ZNF354A: variants seen among roughly 807,000 people sequenced by gnomAD.
The protein encoded by ZNF354A is zinc finger protein 354A, also known as epididymis luminal protein 104.
Under a neutral mutation model 53.3 loss-of-function variants are expected in ZNF354A, and 25 were observed. The ratio of observed to expected loss-of-function variants is 0.47; its 90% confidence interval spans 0.34 to 0.66. The LOEUF (loss-of-function observed/expected upper bound fraction) is 0.66, where lower values mean the gene tolerates loss of function less well. Ranked by LOEUF, ZNF354A falls within the 30% of genes least tolerant of loss-of-function variation. The pLI is 0.01. For synonymous variants in ZNF354A, 228 were observed against 249.0 expected (o/e 0.92, Z 0.79); for missense variants, 586 against 716.8 (o/e 0.82, Z 2.08).
In ZNF354A at chr5:178,712,771, A is replaced by G. The variant is rs1658581440; in HGVS notation, c.1107T>C (p.Leu369=). The change falls in exon 5 of 5, where the codon CTT becomes CTC. Residue 369 remains leucine (L), a synonymous_variant. Coordinates refer to ENST00000335815, the MANE Select transcript of ZNF354A (RefSeq NM_005649.3). ...CGNTFKSSSS[L]RYHQRIHTGE... is the part of the protein sequence containing the mutation. ...CAGTGTGAATTCTCTGATGATAACG[A>G]AGGGATGAGCTAGACTTAAAGGTGT... is the stretch of plus-strand genomic sequence containing the variant. The G allele has an allele frequency of 6.2e-7, 1 of 1,614,020 alleles. No individual in the cohort carries two copies. Among genetic ancestry groups the G allele is most frequent in the African/African-American group, 1.3e-5 (1 of 74,926 alleles).
intron 3 of ZNF354A, 52 bp from the exon 4 acceptor site, chr5:178,725,523 T>A: frequency 6.4e-7 from 1 of 1,566,464 alleles, no homozygotes; most frequent in Non-Finnish European, 8.8e-7. Flanking sequence ...GGTTTTGTAT[T>A]GATACAGTTA....
Position 178,713,325 on chromosome 5 carries a change from T to G in ZNF354A, c.553A>C (p.Thr185Pro), listed in dbSNP as rs1448981376. The change falls in exon 5 of 5, where the codon ACA becomes CCA. Residue 185 changes from threonine to proline, a missense_variant. Transcript: ENST00000335815. ...CCTTGTATTTCACATTTTGGTGGTG[T>G]TTTTTCTCTGGGAAGTATCTGTTGC... ...IRQQILPREK[T>P]PPKCEIQGNS... is the part of the protein sequence containing the mutation. 3.1e-6 allele frequency: 5 copies of G among 1,614,038 alleles called. No homozygotes were observed. The highest frequency in any genetic ancestry group is 1.3e-5 in the African/African-American group (1 of 74,936).
chr5:178,719,282 G>A (rs1203722225), intron 4 of ZNF354A, among the ~76,000 whole-genome samples: 1 of 152,206 alleles, frequency 6.6e-6, no homozygotes, highest in African/African-American at 2.4e-5. Flanking sequence ...GATTTCTTCA[G>A]AGAGTTTATA....
At chr5:178,730,387 G>A (rs1026904470) in intron 1 of ZNF354A, among the ~76,000 whole-genome samples, 169 bp downstream of exon 1, 32 of 144,874 alleles carry the variant, frequency 2.2e-4, no homozygotes, top group Admixed American at 9.6e-4. Flanking sequence ...CAGCAACGGC[G>A]AGGGAGCGCC....
At chr5:178,729,964 C>T (rs1388820969) in intron 1 of ZNF354A, among the ~76,000 whole-genome samples, 2 of 150,428 alleles carry the variant, frequency 1.3e-5, no homozygotes, top group Non-Finnish European at 3.0e-5. Flanking sequence ...CCTGGGTTCA[C>T]GCCATTCTCC....
chr5:178,729,882 T>TTTTTTTTTTTTTTTG (rs1233141218), intron 1 of ZNF354A, among the ~76,000 whole-genome samples: 1 of 147,656 alleles, frequency 6.8e-6, no homozygotes, highest in African/African-American at 2.5e-5. Flanking sequence ...GTTTCTTTTT[T>TTTTTTTTTTTTTTTG]GAGACGGAGT....
Position 178,713,030 on chromosome 5 carries a change from G to C in ZNF354A, c.848C>G (p.Thr283Arg). 1 of 1,614,140 alleles carries C rather than the reference G, an allele frequency of 6.2e-7. No individual in the cohort carries two copies. The change falls in exon 5 of 5, where the codon ACA becomes AGA. Residue 283 changes from threonine (T) to arginine (R), a missense_variant. Physicochemically the swap from Thr to Arg is moderately conservative, Grantham distance 71 (BLOSUM62 -1). Transcript: ENST00000335815. ...GGTTCTTAGATGTTTATAAAGGGAT[G>C]TACTGAGAGTAAAGGCTTTCCCACA... ...KECGKAFTLS[T>R]SLYKHLRTHT...
intron 1 of ZNF354A, 102 bp downstream of exon 1, chr5:178,730,454 T>C (rs1766013159): frequency 6.6e-6 from 1 of 151,574 alleles, no homozygotes; most frequent in African/African-American, 2.4e-5. Flanking sequence ...GACGCGGGGG[T>C]GCCCGCCAGC....
rs902633078 is a variant in ZNF354A at position 178,730,546 on chromosome 5, C to A, written c.-52+10G>T. ...GCCTCCTACCGGCTTGGCCTGCCGCCGACGCTCACCTCCCTAAGCTCGAGC... is the reference window on the plus strand; with the variant it reads ...GCCTCCTACCGGCTTGGCCTGCCGCAGACGCTCACCTCCCTAAGCTCGAGC... On this transcript the variant is annotated intron_variant, in intron 1 of 4. Coordinates refer to ENST00000335815, the MANE Select transcript of ZNF354A (RefSeq NM_005649.3). 6.6e-6 allele frequency: 1 copy of A among 151,952 alleles called. No individual in the cohort carries two copies. The allele number at this position is 151,952 out of a possible 1,614,324, so 9.4% of individuals were successfully genotyped here.
Position 178,712,644 on chromosome 5 carries a change from A to C in ZNF354A, c.1234T>G (p.Cys412Gly). The C allele has an allele frequency of 6.2e-7, 1 of 1,614,098 alleles. No individual in the cohort carries two copies. Among genetic ancestry groups the C allele is most frequent in the Non-Finnish European group, 8.5e-7 (1 of 1,180,004 alleles). ...GTAAAGCCTTTCCCACATTCATTGC[A>C]TCTATAGGGCTTTTCTCCGGTGTGA... ...RIHTGEKPYR[C>G]NECGKGFTSI... The change falls in exon 5 of 5, where the codon TGC (cysteine) becomes GGC (glycine). Residue 412 changes from cysteine to glycine, a missense_variant. Transcript: ENST00000335815.
At chr5:178,722,909 A>C (rs1765836986) in intron 4 of ZNF354A, among the ~76,000 whole-genome samples, 1 of 152,192 alleles carries the variant, frequency 6.6e-6, no homozygotes. Context: ...CCTGTGCAGC[A>C]CAAGGAAGTG....
At chr5:178,716,315 C>T (rs1257800469) in intron 4 of ZNF354A, among the ~76,000 whole-genome samples, 1 of 152,186 alleles carries the variant, frequency 6.6e-6, no homozygotes, top group African/African-American at 2.4e-5. Context: ...GCGTCCTTAA[C>T]ATGGTGAATA....
At chr5:178,722,833 G>A (rs912489577) in intron 4 of ZNF354A, among the ~76,000 whole-genome samples, 7 of 152,344 alleles carry the variant, frequency 4.6e-5, no homozygotes, top group East Asian at 1.9e-4. Flanking sequence ...AATAAAGCAC[G>A]GTGAGGAGAT....
At chr5:178,726,382 C>T (rs2113885316) in intron 3 of ZNF354A, among the ~76,000 whole-genome samples, 1 of 151,434 alleles carries the variant, frequency 6.6e-6, no homozygotes, top group East Asian at 1.9e-4. Flanking sequence ...GGGAACTTGG[C>T]TCACTGCAAG....
chr5:178,726,211 C>T (rs566295473), intron 3 of ZNF354A: 77 of 455,932 alleles, frequency 1.7e-4, no homozygotes, highest in African/African-American at 1.2e-3. Flanking sequence ...CAGACCACTG[C>T]CTGTTTATGT....
intron 4 of ZNF354A, among the ~76,000 whole-genome samples, chr5:178,721,267 A>G (rs1184305096): frequency 6.6e-6 from 1 of 152,156 alleles, no homozygotes; most frequent in Non-Finnish European, 1.5e-5. Context: ...ACAAATCTAG[A>G]TGGTATAGGC....
At chr5:178,726,377 C>G in intron 3 of ZNF354A, 1 of 348,450 alleles carries the variant, frequency 2.9e-6, no homozygotes, top group South Asian at 2.2e-5. Flanking sequence ...GTGGCGGGAA[C>G]TTGGCTCACT....
In ZNF354A at chr5:178,730,567, C is replaced by A. The variant is rs1037124211; in HGVS notation, c.-63G>T. ...CCGCCGACGCTCACCTCCCTAAGCT[C>A]GAGCGTCCCGGGCCGCGCCTCCCCA... On this transcript the variant is annotated 5_prime_UTR_variant, in exon 1 of 5. Transcript: ENST00000335815. The A allele has an allele frequency of 9.2e-5, 14 of 151,912 alleles. No homozygotes were observed. Among genetic ancestry groups the A allele is most frequent in the Non-Finnish European group, 1.3e-4 (9 of 67,962 alleles). The allele number at this position is 151,912 out of a possible 1,614,324, so 9.4% of individuals were successfully genotyped here.
At chr5:178,728,160 A>T (rs984090118) in intron 2 of ZNF354A, among the ~76,000 whole-genome samples, 4 of 152,162 alleles carry the variant, frequency 2.6e-5, no homozygotes, top group African/African-American at 9.7e-5. Flanking sequence ...CAAATTTTGT[A>T]TCCTCTCTGT....
Sources: gnomAD v4.1 joint callset for allele counts (sites outside exome capture counted in the v4.1 genomes callset) on GRCh38, gnomAD v4.1.1 for gene constraint, MANE v1.5 for transcripts, NCBI Gene and HGNC (gene_info 2026-07-23, HGNC 2026-07-21) for gene names.